The following C6orf120 variants were observed in gnomAD, a reference collection of about 807,000 sequenced individuals.
The protein encoded by C6orf120 is UPF0669 protein C6orf120.
For synonymous variants in C6orf120, 165 were observed against 123.1 expected (o/e 1.34, Z -2.25); for missense variants, 311 against 264.2 (o/e 1.18, Z -1.23).
chr6:169,702,974 A>C, exon 1 of C6orf120: 1 of 1,602,066 alleles, frequency 6.2e-7, no homozygotes, highest in East Asian at 2.2e-5. Context: ...CAAGAGGAGG[A>C]ATCTGTTCTC....
At chr6:169,705,354 A>G (rs758522387), downstream of C6orf120, 16 of 1,484,020 alleles carry the variant, frequency 1.1e-5, no homozygotes, top group Middle Eastern at 1.8e-4. Context: ...GGTATCTCAC[A>G]TAAGAAATTT....
chr6:169,705,672 G>C (rs1788759023), downstream of C6orf120: 1 of 1,595,226 alleles, frequency 6.3e-7, no homozygotes, highest in Non-Finnish European at 8.6e-7. Flanking sequence ...TTTCTTGTTG[G>C]ACTCCTTACC....
At chr6:169,703,319 T>A (rs1421138807) in exon 1 of C6orf120, 6 of 447,240 alleles carry the variant, frequency 1.3e-5, no homozygotes, top group Non-Finnish European at 2.5e-5. Context: ...AGTAACAGGT[T>A]TATATAAAAT....
At chr6:169,703,758 T>C in exon 1 of C6orf120, 1 of 498,010 alleles carries the variant, frequency 2.0e-6, no homozygotes, top group East Asian at 3.7e-5. Flanking sequence ...CAGTTAAGTA[T>C]CTTAAGTTAC....
At position 169,704,058 on chromosome 6, in the gene C6orf120, G is replaced by A. The variant is rs770378991; in HGVS notation, c.*1023G>A. ...GCCCACTTTCCTGGGTGTTGGGGGG[G>A]CCCGCTGACAACAGTCACAAATCCA... On this transcript the variant is annotated 3_prime_UTR_variant, in exon 1 of 1. Transcript: ENST00000332290. The A allele has an allele frequency of 2.5e-6, 4 of 1,582,492 alleles. No homozygotes were observed. Among genetic ancestry groups the A allele is most frequent in the Admixed American group, 2.0e-5 (1 of 49,772 alleles).
chr6:169,705,217 G>A (rs138138680), downstream of C6orf120: 2,604 of 1,613,640 alleles, frequency 1.6e-3, 2 homozygotes, highest in Admixed American at 3.2e-3. Context: ...TCTTCATGGT[G>A]GGGTTGTCCA....
rs192022566 is a variant in C6orf120, at chr6:169,703,065, C to T, written c.*30C>T. The T allele has an allele frequency of 1.6e-5, 25 of 1,531,186 alleles. No homozygotes were observed. The Middle Eastern group carries it at 5.1e-4, about 31-fold the overall frequency. 94.8% of individuals were successfully genotyped at this position (1,531,186 alleles called of 1,614,324 possible). ...TTGACCACACTCTGGGATATAAAAC[C>T]CTCCATCTGTGAAGCTGATTGCAGT... On this transcript the variant is annotated 3_prime_UTR_variant, in exon 1 of 1. Transcript: ENST00000332290.
chr6:169,705,083 G>A, downstream of C6orf120: 1 of 1,406,486 alleles, frequency 7.1e-7, no homozygotes, highest in South Asian at 1.4e-5. Context: ...TGGAGTGCTG[G>A]GAGAGTCTCA....
exon 1 of C6orf120, chr6:169,703,373 CTT>C (rs1658282621): frequency 3.4e-6 from 1 of 291,902 alleles, no homozygotes; most frequent in Non-Finnish European, 6.9e-6. Flanking sequence ...AGGTTGATAA[CTT>C]TGTAATTTTA....
At position 169,704,779 on chromosome 6, in the gene C6orf120, A is replaced by T. The variant is rs949656057; in HGVS notation, c.*1744A>T. On this transcript the variant is annotated 3_prime_UTR_variant, in exon 1 of 1. Coordinates refer to ENST00000332290, the Ensembl canonical transcript of C6orf120. ...CTCAATTTACAGAAATCTATAATAG[A>T]TTTCTATAGAAATGTATAAAGACGT... The T allele has an allele frequency of 1.6e-5, 3 of 185,352 alleles. No homozygotes were observed. In the Admixed American group the frequency reaches 1.9e-4, roughly 12 times the overall value. 11.5% of individuals were successfully genotyped at this position (185,352 alleles called of 1,614,324 possible).
chr6:169,705,183 C>T, downstream of C6orf120: 2 of 1,613,416 alleles, frequency 1.2e-6, no homozygotes, highest in Non-Finnish European at 1.7e-6. Flanking sequence ...ACCTCTGTCA[C>T]ACATATCACA....
At chr6:169,703,306 T>C (rs140885693) in exon 1 of C6orf120, 1 of 499,426 alleles carries the variant, frequency 2.0e-6, no homozygotes, top group Non-Finnish European at 3.7e-6. Context: ...TAAAAATGAT[T>C]GCAGTAACAG....
exon 1 of C6orf120, chr6:169,702,217 G>A: frequency 1.5e-6 from 1 of 685,328 alleles, no homozygotes; most frequent in Non-Finnish European, 2.7e-6. Flanking sequence ...GGGTGCCACA[G>A]CGGCCCTGCC....
downstream of C6orf120, chr6:169,705,069 C>CT: frequency 7.8e-7 from 1 of 1,275,828 alleles, no homozygotes; most frequent in South Asian, 1.5e-5. Flanking sequence ...TTTATGCAGC[C>CT]TTTTGGAGTG....
upstream of C6orf120, chr6:169,702,148 C>A: frequency 1.6e-6 from 1 of 608,600 alleles, no homozygotes; most frequent in Non-Finnish European, 3.1e-6. Context: ...GGCGAGGCTC[C>A]GGCCTCGGGT....
rs749744415 is a variant in C6orf120, at chr6:169,702,218, C to T, written c.-242C>T. The T allele has an allele frequency of 7.2e-5, 49 of 684,630 alleles. 1 individual carries two copies. The highest frequency in any genetic ancestry group is 1.2e-4 in the Non-Finnish European group (46 of 374,400). 42.4% of individuals were successfully genotyped at this position (684,630 alleles called of 1,614,324 possible). The stretch of plus-strand genomic sequence containing the variant: ...GGTGGTGAGTCCGAGGGTGCCACAG[C>T]GGCCCTGCCCCTGCCCCTGCCCCTG... On this transcript the variant is annotated 5_prime_UTR_variant, in exon 1 of 1. Transcript: ENST00000332290.
chr6:169,702,159 C>T, upstream of C6orf120: 1 of 628,976 alleles, frequency 1.6e-6, no homozygotes, highest in Non-Finnish European at 3.0e-6. Context: ...GGCCTCGGGT[C>T]CGGATGTATA....
At chr6:169,705,363 T>G, downstream of C6orf120, 2 of 1,386,496 alleles carry the variant, frequency 1.4e-6, no homozygotes. Flanking sequence ...CATAAGAAAT[T>G]TTAACTTAAT....
exon 1 of C6orf120, chr6:169,704,083 A>G: frequency 6.3e-7 from 1 of 1,577,138 alleles, no homozygotes; most frequent in Non-Finnish European, 8.5e-7. Context: ...TCACAAATCC[A>G]GCGACCTAGG....
Sources: allele counts gnomAD v4.1 joint callset, GRCh38; gene constraint gnomAD v4.1.1; transcripts MANE v1.5; gene names NCBI Gene and HGNC (gene_info 2026-07-23, HGNC 2026-07-21).